The following SPIRE1 variants were observed in gnomAD, a reference collection of about 807,000 sequenced individuals.
SPIRE1 encodes spire type actin nucleation factor 1.
Under a neutral mutation model 94.1 loss-of-function variants are expected in SPIRE1, and 40 were observed. That is an observed-to-expected ratio of 0.43 (90% CI 0.33 to 0.55). The LOEUF (loss-of-function observed/expected upper bound fraction) is 0.55. SPIRE1 is among the 20% of genes least tolerant of loss of function. SPIRE1 has a pLI of 0.06. For synonymous variants in SPIRE1, 376 were observed against 371.7 expected (o/e 1.01, Z -0.13); for missense variants, 838 against 975.2 (o/e 0.86, Z 1.87).
chr18:12,572,665 T>G (rs1211404374), intron 2 of SPIRE1, among the ~76,000 whole-genome samples: 1 of 152,148 alleles, frequency 6.6e-6, no homozygotes, highest in African/African-American at 2.4e-5. Flanking sequence ...TACACTGTGG[T>G]ACTGGCAAAA....
Position 12,524,684 on chromosome 18 carries a change from T to C in SPIRE1, c.729+10792A>G, listed in dbSNP as rs551520244. On this transcript the variant is annotated intron_variant, in intron 4 of 16. Coordinates refer to ENST00000409402, the MANE Select transcript of SPIRE1 (RefSeq NM_001128626.2). ...AATTGTGCAGAATTACACATTAAAG[T>C]AATAACAGGCAAGGCACAATGGCTC... is the stretch of plus-strand genomic sequence containing the variant. Among the ~76,000 whole-genome samples the C allele has an allele frequency of 2.6e-5, 4 of 152,162 alleles. No homozygotes were observed. The South Asian group carries it at 8.3e-4, about 32-fold the overall frequency.
At chr18:12,626,681 TA>T (rs2037634157) in intron 2 of SPIRE1, among the ~76,000 whole-genome samples, 1 of 130,104 alleles carries the variant, frequency 7.7e-6, no homozygotes, top group Non-Finnish European at 1.8e-5. Context: ...AAAAGACAAA[TA>T]TATGAAAAGT....
At chr18:12,461,476 A>G (rs1375944929) in intron 12 of SPIRE1, among the ~76,000 whole-genome samples, 4 of 149,706 alleles carry the variant, frequency 2.7e-5, no homozygotes, top group Non-Finnish European at 5.9e-5. Flanking sequence ...ATATGTACGT[A>G]CATACATATG....
At chr18:12,540,642 C>T (rs1397103027) in intron 3 of SPIRE1, among the ~76,000 whole-genome samples, 1 of 152,188 alleles carries the variant, frequency 6.6e-6, no homozygotes, top group Non-Finnish European at 1.5e-5. Context: ...TCTCAAAATG[C>T]TGGGATTACA....
At chr18:12,576,581 CAAAAAAAAAAAA>C (rs762895518) in intron 2 of SPIRE1, among the ~76,000 whole-genome samples, 694 of 31,044 alleles carry the variant, frequency 0.022, 12 homozygotes, top group African/African-American at 0.074. Context: ...GACTCCATCT[CAAAAAAAAAAAA>C]AAAAAAAAAA....
intron 16 of SPIRE1, chr18:12,450,721 GA>G (rs2031191572): frequency 1.5e-6 from 1 of 659,900 alleles, no homozygotes; most frequent in South Asian, 1.7e-5. Context: ...CTAATGCCCC[GA>G]AAAAGCCACC....
intron 3 of SPIRE1, 28 bp from the exon 4 acceptor site, chr18:12,535,629 T>G (rs2034816695): frequency 6.3e-7 from 1 of 1,595,736 alleles, no homozygotes; most frequent in Non-Finnish European, 8.6e-7. Flanking sequence ...AAAATAATGG[T>G]GCTTGGTTAC....
intron 3 of SPIRE1, among the ~76,000 whole-genome samples, chr18:12,542,382 A>ACATGTGGC (rs2035039343): frequency 1.3e-5 from 2 of 152,218 alleles, no homozygotes; most frequent in Non-Finnish European, 2.9e-5. Context: ...CAAGTGATTA[A>ACATGTGGC]TAGTCACATG....
chr18:12,640,263 A>T (rs1464102328), intron 1 of SPIRE1, among the ~76,000 whole-genome samples: 1 of 152,246 alleles, frequency 6.6e-6, no homozygotes, highest in Non-Finnish European at 1.5e-5. Context: ...GGAACTTTTA[A>T]GATAAATGGT....
chr18:12,564,453 T>C (rs2035766247), intron 2 of SPIRE1, among the ~76,000 whole-genome samples: 1 of 152,086 alleles, frequency 6.6e-6, no homozygotes, highest in African/African-American at 2.4e-5. Context: ...TAAAACACCA[T>C]GAACAAAGTA....
At chr18:12,618,457 T>C (rs980088200) in intron 2 of SPIRE1, among the ~76,000 whole-genome samples, 3 of 152,288 alleles carry the variant, frequency 2.0e-5, no homozygotes, top group Non-Finnish European at 2.9e-5. Flanking sequence ...ATAAACTATC[T>C]CATGAACTTT....
rs547680796 is a variant in SPIRE1, at chr18:12,506,342, A to G, written c.972+135T>C. 251 of 730,278 alleles carry G rather than the reference A, an allele frequency of 3.4e-4. 1 individual carries two copies. In the East Asian group the frequency reaches 6.0e-3, roughly 18 times the overall value. 45.2% of individuals were successfully genotyped at this position (730,278 alleles called of 1,614,324 possible). The stretch of plus-strand genomic sequence containing the variant: ...CCAACTAATTTTTGTATTTTTTGGT[A>G]CAGACAGGGATTCACCATGTTGGTC... On this transcript the variant is annotated intron_variant, in intron 6 of 16. Coordinates refer to ENST00000409402, the MANE Select transcript of SPIRE1 (RefSeq NM_001128626.2).
intron 2 of SPIRE1, among the ~76,000 whole-genome samples, chr18:12,621,194 C>CT (rs1472738624): frequency 7.9e-5 from 12 of 152,128 alleles, no homozygotes; most frequent in African/African-American, 2.7e-4. Flanking sequence ...TTTACATGCA[C>CT]TAGGATGCCC....
chr18:12,538,190 AT>A (rs1198645806), intron 3 of SPIRE1, among the ~76,000 whole-genome samples: 1 of 152,188 alleles, frequency 6.6e-6, no homozygotes, highest in Non-Finnish European at 1.5e-5. Context: ...AATAAATGTA[AT>A]TCCCTTTATA....
chr18:12,527,750 A>C (rs184622207), intron 4 of SPIRE1, among the ~76,000 whole-genome samples: 6 of 151,990 alleles, frequency 3.9e-5, no homozygotes. Context: ...GGTTGATTCT[A>C]TTCTCCTCTG....
At chr18:12,632,093 A>G (rs150125549) in intron 2 of SPIRE1, among the ~76,000 whole-genome samples, 1 of 152,142 alleles carries the variant, frequency 6.6e-6, no homozygotes, top group East Asian at 1.9e-4. Flanking sequence ...TCATTCTGAC[A>G]GTCTTCCTCA....
chr18:12,641,265 A>G (rs905314347), intron 1 of SPIRE1, among the ~76,000 whole-genome samples: 2 of 152,216 alleles, frequency 1.3e-5, no homozygotes, highest in South Asian at 2.1e-4. Flanking sequence ...TTCTGGGACA[A>G]TTTTTGTATT....
At chr18:12,579,059 A>T (rs8086774) in intron 2 of SPIRE1, among the ~76,000 whole-genome samples, 26,428 of 151,546 alleles carry the variant, frequency 0.17, 2,368 homozygotes, top group Admixed American at 0.24. Flanking sequence ...ATTTTTTTTT[A>T]AAAAAAGTTA....
At chr18:12,526,509 A>C (rs1036424324) in intron 4 of SPIRE1, among the ~76,000 whole-genome samples, 5 of 152,106 alleles carry the variant, frequency 3.3e-5, no homozygotes, top group Non-Finnish European at 7.3e-5. Flanking sequence ...GAAGGCAGAG[A>C]TCATGTTCAT....
Sources: allele counts gnomAD v4.1 joint callset (sites outside exome capture counted in the v4.1 genomes callset), GRCh38; gene constraint gnomAD v4.1.1; transcripts MANE v1.5; gene names NCBI Gene and HGNC (gene_info 2026-07-23, HGNC 2026-07-21).